The following TXNDC16 variants were observed in gnomAD, a reference collection of about 807,000 sequenced individuals.
TXNDC16 encodes thioredoxin domain containing 16, also known as thioredoxin domain-containing protein 16.
In TXNDC16, 74 loss-of-function variants were observed where a neutral mutation model predicts 85.6. The ratio of observed to expected loss-of-function variants is 0.86; its 90% CI spans 0.72 to 1.05. The LOEUF is 1.05. Among genes scored for constraint, TXNDC16 ranks in the 50% least tolerant of loss-of-function variants. The pLI is 0.00. For synonymous variants in TXNDC16, 335 were observed against 326.5 expected, an observed-to-expected ratio of 1.03 and a Z score of -0.28; for missense variants, 959 against 947.0, an observed-to-expected ratio of 1.01 and a Z score of -0.17.
intron 18 of TXNDC16, among the ~76,000 whole-genome samples, chr14:52,447,635 C>G (rs1367427204): frequency 6.6e-6 from 1 of 152,108 alleles, no homozygotes; most frequent in African/African-American, 2.4e-5. Flanking sequence ...CAGACACAGA[C>G]AAACATCCAA....
At chr14:52,529,825 GTAT>G (rs1460797540) in intron 6 of TXNDC16, among the ~76,000 whole-genome samples, 9 of 103,136 alleles carry the variant, frequency 8.7e-5, no homozygotes, top group East Asian at 2.9e-4. Flanking sequence ...TATATATTAT[GTAT>G]TATTACTATA....
rs1157311156 is a variant in TXNDC16, at chr14:52,530,383, TATA to T, written c.392+6333_392+6335del. ...ATATATATTATTATATAATATTATA[TATA>T]ATATTATAATATAATATATAATTAT... On this transcript the variant is annotated intron_variant, in intron 6 of 20. Transcript: ENST00000281741. Among the ~76,000 whole-genome samples, 16 of 22,616 alleles carry T rather than the reference TATA, an allele frequency of 7.1e-4. 1 individual carries two copies. Among genetic ancestry groups the T allele is most frequent in the African/African-American group, 2.2e-3 (8 of 3,654 alleles). 14.8% of individuals were successfully genotyped at this position (22,616 alleles called of 152,430 possible).
chr14:52,532,474 T>C (rs1311112958), intron 6 of TXNDC16, among the ~76,000 whole-genome samples: 4 of 152,084 alleles, frequency 2.6e-5, no homozygotes, highest in African/African-American at 9.7e-5. Context: ...TCTCAGTCTG[T>C]CACCCAGGTT....
intron 6 of TXNDC16, among the ~76,000 whole-genome samples, chr14:52,533,882 G>T (rs1032284156): frequency 1.2e-4 from 18 of 152,192 alleles, no homozygotes; most frequent in Admixed American, 7.2e-4. Context: ...CTCTGGTAAG[G>T]AGGCCTCAAA....
At chr14:52,544,038 C>T (rs1488523982) in intron 2 of TXNDC16, among the ~76,000 whole-genome samples, 1 of 151,896 alleles carries the variant, frequency 6.6e-6, no homozygotes, top group East Asian at 1.9e-4. Flanking sequence ...CAAAATATGC[C>T]TAATATGTTT....
intron 9 of TXNDC16, among the ~76,000 whole-genome samples, chr14:52,503,508 G>C (rs1263557404): frequency 6.6e-6 from 1 of 152,158 alleles, no homozygotes; most frequent in East Asian, 1.9e-4. Flanking sequence ...CTGCAGCTGA[G>C]GGTCCTGACT....
At chr14:52,514,098 T>C (rs921256097) in intron 8 of TXNDC16, among the ~76,000 whole-genome samples, 2 of 152,176 alleles carry the variant, frequency 1.3e-5, no homozygotes, top group Non-Finnish European at 2.9e-5. Flanking sequence ...AACTTCTCTT[T>C]GTAGAAACTT....
At chr14:52,512,010 A>T (rs2036967751) in intron 8 of TXNDC16, among the ~76,000 whole-genome samples, 1 of 152,184 alleles carries the variant, frequency 6.6e-6, no homozygotes, top group African/African-American at 2.4e-5. Context: ...TTAAAATAGC[A>T]TTTTAGAAAT....
chr14:52,549,289 T>G, intron 1 of TXNDC16, among the ~76,000 whole-genome samples: 1 of 152,078 alleles, frequency 6.6e-6, no homozygotes, highest in Non-Finnish European at 1.5e-5. Flanking sequence ...ATTTAAATAA[T>G]AGAAAGAATG....
At chr14:52,514,834 G>GAA (rs11387534) in intron 8 of TXNDC16, 46 bp downstream of exon 8, 3,379 of 1,309,156 alleles carry the variant, frequency 2.6e-3, no homozygotes, top group East Asian at 6.1e-3. Context: ...AAGTGAAGAA[G>GAA]AAAAAAAAAA....
At chr14:52,466,902 T>C (rs71422085) in intron 16 of TXNDC16, among the ~76,000 whole-genome samples, 2,408 of 150,770 alleles carry the variant, frequency 0.016, 25 homozygotes, top group Non-Finnish European at 0.023. Context: ...AGAAAAACAA[T>C]AATGAAGCAT....
intron 14 of TXNDC16, among the ~76,000 whole-genome samples, chr14:52,478,743 G>T (rs2036075964): frequency 6.6e-6 from 1 of 151,956 alleles, no homozygotes; most frequent in Admixed American, 6.6e-5. Context: ...ATTCAAAGAA[G>T]AATTGGTACC....
rs548935427 is a variant in TXNDC16, at chr14:52,465,069, A to G, written c.1618+4968T>C. On this transcript the variant is annotated intron_variant, in intron 16 of 20. Transcript: ENST00000281741. ...AGTTCCTTTCGTTTTTACTTTTTACAATTCTGAAAACAAAGTAGAAAAAAA... is the reference window on the plus strand; with the variant it reads ...AGTTCCTTTCGTTTTTACTTTTTACGATTCTGAAAACAAAGTAGAAAAAAA... Among the ~76,000 whole-genome samples the G allele has an allele frequency of 1.6e-4, 24 of 152,326 alleles. No homozygotes were observed. The South Asian group carries it at 5.0e-3, about 32-fold the overall frequency.
intron 9 of TXNDC16, among the ~76,000 whole-genome samples, chr14:52,506,873 C>A (rs916193277): frequency 6.7e-6 from 1 of 150,214 alleles, no homozygotes; most frequent in African/African-American, 2.5e-5. Flanking sequence ...ACCCTTCATG[C>A]TAAAAACTCT....
intron 6 of TXNDC16, among the ~76,000 whole-genome samples, chr14:52,524,324 G>A (rs1217010861): frequency 6.6e-6 from 1 of 152,172 alleles, no homozygotes; most frequent in Non-Finnish European, 1.5e-5. Flanking sequence ...TTCATGTTAT[G>A]AGTAGTATGT....
intron 11 of TXNDC16, among the ~76,000 whole-genome samples, chr14:52,490,128 C>A (rs1004828063): frequency 3.3e-5 from 5 of 151,924 alleles, no homozygotes; most frequent in Non-Finnish European, 7.4e-5. Context: ...ATGCCCAGCC[C>A]AATATTATTT....
chr14:52,488,638 C>A, intron 11 of TXNDC16, 152 bp from the exon 12 acceptor site: 1 of 533,754 alleles, frequency 1.9e-6, no homozygotes, highest in South Asian at 2.2e-5. Flanking sequence ...TAGTTCGAGA[C>A]CAGCCTGGCC....
intron 7 of TXNDC16, among the ~76,000 whole-genome samples, chr14:52,518,932 T>G (rs1438420888): frequency 1.3e-5 from 2 of 152,132 alleles, no homozygotes; most frequent in Non-Finnish European, 2.9e-5. Context: ...AAACTGAAGT[T>G]AAGTAACTTG....
intron 13 of TXNDC16, 137 bp downstream of exon 13, chr14:52,482,685 G>T (rs986139701): frequency 6.4e-6 from 4 of 623,958 alleles, no homozygotes; most frequent in Non-Finnish European, 1.0e-5. Context: ...AGAAGTAAAT[G>T]CTTCAATGCA....
Sources: allele counts gnomAD v4.1 joint callset (sites outside exome capture counted in the v4.1 genomes callset), GRCh38; gene constraint gnomAD v4.1.1; transcripts MANE v1.5; gene names NCBI Gene and HGNC (gene_info 2026-07-23, HGNC 2026-07-21).